Variants in ADAMTSL3 observed in about 807,000 individuals in gnomAD.
ADAMTSL3 encodes the protein ADAMTS like 3.
Under a neutral mutation model 201.7 loss-of-function variants are expected in ADAMTSL3, and 128 were observed. The ratio of observed to expected loss-of-function variants is 0.63; its 90% confidence interval spans 0.55 to 0.73. ADAMTSL3 has a LOEUF of 0.73. Ranked by LOEUF, ADAMTSL3 falls within the 30% of genes least tolerant of loss-of-function variation. The pLI, the probability that ADAMTSL3 is intolerant of heterozygous loss-of-function variation, is 0.00. For missense variants in ADAMTSL3, 1,990 were observed against 2,119.6 expected, an observed-to-expected ratio of 0.94 and a Z score of 1.20; for synonymous variants, 738 against 748.4, an observed-to-expected ratio of 0.99 and a Z score of 0.23.
intron 20 of ADAMTSL3, among the ~76,000 whole-genome samples, chr15:83,980,797 C>A (rs1277340040): frequency 6.6e-6 from 1 of 152,214 alleles, no homozygotes. Flanking sequence ...CCTGTTGACA[C>A]CACGAAACCC....
At chr15:83,963,916 G>T (rs1285383589) in intron 19 of ADAMTSL3, among the ~76,000 whole-genome samples, 5 of 152,184 alleles carry the variant, frequency 3.3e-5, no homozygotes, top group African/African-American at 7.2e-5. Flanking sequence ...CAGCAGAGGA[G>T]CCTGACTATT....
At chr15:83,775,371 G>A (rs534532582) in intron 4 of ADAMTSL3, among the ~76,000 whole-genome samples, 18 of 151,566 alleles carry the variant, frequency 1.2e-4, no homozygotes, top group South Asian at 2.1e-4. Flanking sequence ...ACGTACTTGC[G>A]TTTGTTAAAG....
chr15:83,727,685 C>G (rs1365776355), intron 3 of ADAMTSL3, among the ~76,000 whole-genome samples: 1 of 151,928 alleles, frequency 6.6e-6, no homozygotes, highest in Non-Finnish European at 1.5e-5. Flanking sequence ...CAAAATTCCT[C>G]TTGTTATTGA....
intron 3 of ADAMTSL3, among the ~76,000 whole-genome samples, chr15:83,749,982 T>C (rs11636275): frequency 0.2 from 30,950 of 152,172 alleles, 4,118 homozygotes; most frequent in Middle Eastern, 0.38. Context: ...TTTGTGTTCC[T>C]TCAACTGCGT....
At chr15:84,019,153 G>T (rs2068147927) in intron 25 of ADAMTSL3, among the ~76,000 whole-genome samples, 1 of 148,050 alleles carries the variant, frequency 6.8e-6, no homozygotes, top group East Asian at 2.0e-4. Context: ...CACAAAAGAT[G>T]ATATATAGAT....
intron 8 of ADAMTSL3, 91 bp downstream of exon 8, chr15:83,858,931 A>C: frequency 9.0e-7 from 1 of 1,108,742 alleles, no homozygotes. Flanking sequence ...AAACCAAACC[A>C]ACAAGCAAAA....
rs144295877 is a variant in ADAMTSL3 at position 83,790,684 on chromosome 15, A to G, written c.318-13966A>G. ...ATAAGGTAGGGTTGTCTGTCTCACC[A>G]CTCTTACCATAGGAGAAGAAAAATA... On this transcript the variant is annotated intron_variant, in intron 4 of 29. Transcript: ENST00000286744. Among the ~76,000 whole-genome samples, 32 of 152,200 alleles carry G rather than the reference A, an allele frequency of 2.1e-4. 1 individual carries two copies. In the East Asian group the frequency reaches 6.2e-3, roughly 29 times the overall value.
intron 3 of ADAMTSL3, among the ~76,000 whole-genome samples, chr15:83,744,915 A>G (rs1043506763): frequency 6.6e-6 from 1 of 152,240 alleles, no homozygotes; most frequent in Non-Finnish European, 1.5e-5. Flanking sequence ...TCTGGGCATA[A>G]GAGGGCGGGT....
chr15:83,660,209 G>C (rs1399947102), intron 2 of ADAMTSL3, among the ~76,000 whole-genome samples: 1 of 152,198 alleles, frequency 6.6e-6, no homozygotes, highest in Admixed American at 6.5e-5. Flanking sequence ...AGTGCCATTT[G>C]AGTATTGGTG....
At position 83,861,513 on chromosome 15, in the gene ADAMTSL3, G is replaced by C. The variant is rs534429838; in HGVS notation, c.802+2673G>C. ...CCGCTGCTGATACCCAGGCAAACAG[G>C]GTCTGGAGTGGACCTCCAGCAAACT... is the stretch of plus-strand genomic sequence containing the variant. On this transcript the variant is annotated intron_variant, in intron 8 of 29. Transcript: ENST00000286744. The C allele has an allele frequency of 1.8e-5, 3 of 166,182 alleles. No individual in the cohort carries two copies. In the South Asian group the frequency reaches 5.0e-4, roughly 28 times the overall value. 10.3% of individuals were successfully genotyped at this position (166,182 alleles called of 1,614,324 possible).
At chr15:83,901,831 G>T (rs540624288) in intron 15 of ADAMTSL3, among the ~76,000 whole-genome samples, 2 of 91,538 alleles carry the variant, frequency 2.2e-5, no homozygotes, top group South Asian at 6.9e-4. Flanking sequence ...AGGGTTTGAG[G>T]CACTTGAGAG....
rs2063393327 is a variant in ADAMTSL3, at chr15:83,794,542, T to C, written c.318-10108T>C. 3.3e-5 allele frequency among the ~76,000 whole-genome samples: 5 copies of C among 152,098 alleles called. No homozygotes were observed. In the South Asian group the frequency reaches 1.0e-3, roughly 32 times the overall value. The stretch of plus-strand genomic sequence containing the variant: ...AATCTCCAGAAAATTACAATGAAGT[T>C]ATAAAAATCCAATCTCTAAAGCTTA... On this transcript the variant is annotated intron_variant, in intron 4 of 29. Transcript: ENST00000286744.
intron 2 of ADAMTSL3, among the ~76,000 whole-genome samples, chr15:83,656,736 G>T (rs1024674234): frequency 1.4e-4 from 21 of 152,158 alleles, no homozygotes; most frequent in African/African-American, 4.8e-4. Context: ...TGCAGACATA[G>T]CTTCTCAAAT....
rs779946977 is a variant in ADAMTSL3, at chr15:83,983,323, C to A, written c.3695C>A (p.Thr1232Asn). ...ACATATACATGGACCAAGGATGGAACCTTGTTACAGCCCTCAGTAAAGTAA... is the reference window on the plus strand; with the variant it reads ...ACATATACATGGACCAAGGATGGAAACTTGTTACAGCCCTCAGTAAAGTAA... ...EATYTWTKDG[T>N]LLQPSVKIIL... The change falls in exon 21 of 30, where the codon ACC (threonine) becomes AAC (asparagine). Residue 1232 changes from threonine (T) to asparagine (N), a missense_variant. Physicochemically the swap from Thr to Asn is moderately conservative, Grantham distance 65. Coordinates refer to ENST00000286744, the MANE Select transcript of ADAMTSL3 (RefSeq NM_207517.3). The A allele has an allele frequency of 8.1e-5, 124 of 1,539,262 alleles. No homozygotes were observed. The highest frequency in any genetic ancestry group is 9.8e-5 in the Non-Finnish European group (112 of 1,144,800).
intron 17 of ADAMTSL3, among the ~76,000 whole-genome samples, chr15:83,929,570 G>C (rs1032610131): frequency 6.6e-6 from 1 of 152,014 alleles, no homozygotes; most frequent in Non-Finnish European, 1.5e-5. Flanking sequence ...CAAGTACTGG[G>C]GGTTATAACT....
At chr15:83,670,258 CAAAAAAAAA>C (rs60947988) in intron 2 of ADAMTSL3, among the ~76,000 whole-genome samples, 1 of 64,524 alleles carries the variant, frequency 1.5e-5, no homozygotes, top group Non-Finnish European at 2.7e-5. Context: ...ACTCTGTCTC[CAAAAAAAAA>C]AAAAAAAAAA....
intron 3 of ADAMTSL3, among the ~76,000 whole-genome samples, chr15:83,715,420 C>G (rs537765784): frequency 6.6e-6 from 1 of 152,164 alleles, no homozygotes; most frequent in African/African-American, 2.4e-5. Flanking sequence ...ATATAACATA[C>G]ACCTCCCTTC....
At chr15:83,658,932 G>A (rs947347111) in intron 2 of ADAMTSL3, among the ~76,000 whole-genome samples, 1 of 152,076 alleles carries the variant, frequency 6.6e-6, no homozygotes. Flanking sequence ...ATTGTCATAG[G>A]ATGGCTTCCT....
In ADAMTSL3 at chr15:83,912,347, CAT is replaced by C. The variant is rs1418755720; in HGVS notation, c.1701-744_1701-743del. Among the ~76,000 whole-genome samples, 7 of 152,152 alleles carry C rather than the reference CAT, an allele frequency of 4.6e-5. No individual in the cohort carries two copies. In the East Asian group the frequency reaches 7.7e-4, roughly 17 times the overall value. ...AAAATTTAATTTTATGTAATTTTCA[CAT>C]GTCACAAAATATCTTTTTTTCTGCC... is the stretch of plus-strand genomic sequence containing the variant. On this transcript the variant is annotated intron_variant, in intron 15 of 29. Coordinates refer to ENST00000286744, the MANE Select transcript of ADAMTSL3 (RefSeq NM_207517.3).
Sources: allele counts gnomAD v4.1 joint callset (sites outside exome capture counted in the v4.1 genomes callset), GRCh38; gene constraint gnomAD v4.1.1; transcripts MANE v1.5; gene names NCBI Gene and HGNC (gene_info 2026-07-23, HGNC 2026-07-21).